RARRES1: variants seen among roughly 807,000 people sequenced by gnomAD.
RARRES1 encodes retinoic acid receptor responder 1.
In RARRES1, 34 loss-of-function variants were observed where a neutral mutation model predicts 30.6. The ratio of observed to expected loss-of-function variants is 1.11; its 90% CI spans 0.84 to 1.48. The LOEUF is 1.48. Ranked by LOEUF, RARRES1 falls within the 40% of genes most tolerant of loss-of-function variation. The probability of loss-of-function intolerance (pLI) is 0.00; values close to 1 mark genes in which losing one functional copy is unlikely to be tolerated. For missense variants in RARRES1, 373 were observed against 386.5 expected (o/e 0.97, Z 0.29); for synonymous variants, 153 against 155.5 (o/e 0.98, Z 0.12).
At chr3:158,718,756 A>G (rs1559873290) in intron 1 of RARRES1, among the ~76,000 whole-genome samples, 1 of 152,214 alleles carries the variant, frequency 6.6e-6, no homozygotes. Flanking sequence ...CTCACCTTAT[A>G]AAGACCTCTG....
rs573704203 is a variant in RARRES1, at chr3:158,723,549, C to T, written c.276+8591G>A. Among the ~76,000 whole-genome samples, 1 of 152,352 alleles carries T rather than the reference C, an allele frequency of 6.6e-6. No individual in the cohort carries two copies. Among genetic ancestry groups the T allele is most frequent in the South Asian group, 2.1e-4 (1 of 4,828 alleles). On this transcript the variant is annotated intron_variant, in intron 1 of 5. Transcript: ENST00000237696. The surrounding 1 kb of genome is among the most constrained non-coding windows in gnomAD (Gnocchi z 4.4). Reference sequence around the variant, plus strand: ...AAGTCAGTTACCTTCTGATCAGGCCCAGGCAGTGGGGCCCAAGGAGCTCTT... The same window carrying T: ...AAGTCAGTTACCTTCTGATCAGGCCTAGGCAGTGGGGCCCAAGGAGCTCTT...
intron 2 of RARRES1, among the ~76,000 whole-genome samples, chr3:158,713,192 G>A (rs976174327): frequency 3.3e-5 from 5 of 152,058 alleles, no homozygotes; most frequent in East Asian, 1.9e-4. Flanking sequence ...TCTGATTGCC[G>A]CCTTTCAGCT....
chr3:158,708,168 T>A (rs1726987479), intron 3 of RARRES1, among the ~76,000 whole-genome samples: 1 of 152,166 alleles, frequency 6.6e-6, no homozygotes, highest in African/African-American at 2.4e-5. Context: ...GAATTCAATA[T>A]CTTGGATATA....
chr3:158,713,917 C>A, intron 1 of RARRES1, 58 bp from the exon 2 acceptor site: 1 of 1,426,646 alleles, frequency 7.0e-7, no homozygotes, highest in African/African-American at 1.4e-5. Context: ...ATCCTCATAT[C>A]CAGGAATCAC....
At chr3:158,720,871 C>T (rs530255626) in intron 1 of RARRES1, among the ~76,000 whole-genome samples, 7 of 152,298 alleles carry the variant, frequency 4.6e-5, no homozygotes, top group South Asian at 2.1e-4. Context: ...ATGACCTCAT[C>T]TTAACTTGAT....
At chr3:158,728,449 A>T (rs910285996) in intron 1 of RARRES1, among the ~76,000 whole-genome samples, 2 of 151,876 alleles carry the variant, frequency 1.3e-5, no homozygotes, top group South Asian at 4.2e-4. Context: ...ACTCAGTCCA[A>T]CAATGCACTG....
chr3:158,730,599 ATTTT>A (rs886776138), intron 1 of RARRES1, among the ~76,000 whole-genome samples: 1 of 150,304 alleles, frequency 6.7e-6, no homozygotes, highest in Non-Finnish European at 1.5e-5. Context: ...ACATCGGCTA[ATTTT>A]TTTTTAATTT....
chr3:158,718,722 TG>T (rs1238224893), intron 1 of RARRES1, among the ~76,000 whole-genome samples: 1 of 152,168 alleles, frequency 6.6e-6, no homozygotes, highest in Non-Finnish European at 1.5e-5. Context: ...AGGCACCCTG[TG>T]GGGAGGTGGG....
At position 158,723,801 on chromosome 3, in the gene RARRES1, TTTC is replaced by T. The variant is rs1265017581; in HGVS notation, c.276+8336_276+8338del. Among the ~76,000 whole-genome samples, 1 of 152,178 alleles carries T rather than the reference TTTC, an allele frequency of 6.6e-6. No individual in the cohort carries two copies. The highest frequency in any genetic ancestry group is 1.5e-5 in the Non-Finnish European group (1 of 68,022). On this transcript the variant is annotated intron_variant, in intron 1 of 5. Coordinates refer to ENST00000237696, the MANE Select transcript of RARRES1 (RefSeq NM_206963.2). This position sits in a 1 kb window ranked among gnomAD's most constrained non-coding sequence, Gnocchi z 4.4. Reference sequence around the variant, plus strand: ...CAGGACATGAGGCTTCAGGTCTCCTTTTCTCCTGCTGGGAGCAATGGGAATGGG... The same window carrying T: ...CAGGACATGAGGCTTCAGGTCTCCTTTCCTGCTGGGAGCAATGGGAATGGG...
intron 4 of RARRES1, among the ~76,000 whole-genome samples, chr3:158,702,093 A>G (rs1468711075): frequency 1.3e-5 from 2 of 152,098 alleles, no homozygotes; most frequent in African/African-American, 4.8e-5. Context: ...GCTGGAGTGC[A>G]CTAGCACGAT....
intron 1 of RARRES1, among the ~76,000 whole-genome samples, chr3:158,716,024 A>G (rs973938178): frequency 2.0e-5 from 3 of 152,208 alleles, no homozygotes; most frequent in Admixed American, 2.0e-4. Flanking sequence ...CGCACCTGCT[A>G]TGTGCACCGC....
intron 1 of RARRES1, among the ~76,000 whole-genome samples, chr3:158,721,234 T>A (rs539058687): frequency 6.6e-6 from 1 of 152,068 alleles, no homozygotes; most frequent in East Asian, 1.9e-4. Context: ...GGGGTTGAGG[T>A]TACAATGGTG....
At chr3:158,713,742 A>T (rs1576815658) in intron 2 of RARRES1, 55 bp downstream of exon 2, 2 of 1,494,858 alleles carry the variant, frequency 1.3e-6, no homozygotes, top group East Asian at 4.5e-5. Context: ...CTTTTTTACA[A>T]AGCCATATTT....
At chr3:158,705,232 C>T (rs1055124797) in intron 3 of RARRES1, among the ~76,000 whole-genome samples, 3 of 152,092 alleles carry the variant, frequency 2.0e-5, no homozygotes, top group African/African-American at 4.8e-5. Context: ...GTATCTTGGA[C>T]CCATCTTGTC....
At chr3:158,715,014 G>T (rs1186552622) in intron 1 of RARRES1, among the ~76,000 whole-genome samples, 1 of 152,212 alleles carries the variant, frequency 6.6e-6, no homozygotes, top group Admixed American at 6.5e-5. Context: ...ATTTAAGCTT[G>T]TACATGTACA....
chr3:158,727,760 A>C (rs146118856), intron 1 of RARRES1, among the ~76,000 whole-genome samples: 35 of 152,364 alleles, frequency 2.3e-4, no homozygotes, highest in Non-Finnish European at 4.4e-4. Flanking sequence ...ATGGAAAGGT[A>C]GTGTAAGGCC....
chr3:158,730,069 C>T (rs1216522483), intron 1 of RARRES1, among the ~76,000 whole-genome samples: 1 of 151,916 alleles, frequency 6.6e-6, no homozygotes, highest in African/African-American at 2.4e-5. Flanking sequence ...TGCCTGTAAT[C>T]CCAGCACTTT....
intron 1 of RARRES1, among the ~76,000 whole-genome samples, chr3:158,729,611 G>T (rs1178077072): frequency 6.6e-6 from 1 of 151,832 alleles, no homozygotes; most frequent in Non-Finnish European, 1.5e-5. Flanking sequence ...CACCATGCCC[G>T]GCTAATTTCT....
At chr3:158,699,434 A>ACC (rs139216148) in intron 4 of RARRES1, among the ~76,000 whole-genome samples, 8,116 of 137,424 alleles carry the variant, frequency 0.059, 263 homozygotes, top group African/African-American at 0.088. Context: ...CAAAAAAGCA[A>ACC]CCCCCCCCCC....
Sources: gnomAD v4.1 joint callset for allele counts (sites outside exome capture counted in the v4.1 genomes callset) on GRCh38, gnomAD v4.1.1 for gene constraint, Gnocchi (gnomAD v3.1) non-coding constraint, MANE v1.5 for transcripts, NCBI Gene and HGNC (gene_info 2026-07-23, HGNC 2026-07-21) for gene names.